Variants in ZNF134 observed in about 807,000 individuals in gnomAD.
ZNF134 encodes the protein zinc finger protein 134 (clone pHZ-15).
In ZNF134, 5 loss-of-function variants were observed where a neutral mutation model predicts 2.5. That is an observed-to-expected ratio of 2.03 (90% CI 1.06 to 4.27). The LOEUF (loss-of-function observed/expected upper bound fraction) is 4.27. Ranked by LOEUF, ZNF134 falls within the 30% of genes most tolerant of loss-of-function variation. ZNF134 has a pLI of 0.00. For missense variants in ZNF134, 540 were observed against 517.5 expected (o/e 1.04, Z -0.42); for synonymous variants, 176 against 176.2 (o/e 1.00, Z 0.01).
chr19:57,619,706 G>C (rs532480554), intron 2 of ZNF134, 198 bp downstream of exon 2: 4 of 617,208 alleles, frequency 6.5e-6, no homozygotes, highest in South Asian at 4.3e-5. Flanking sequence ...TACCAGAGGG[G>C]CTCTAGTAGA....
chr19:57,620,391 C>G lies in ZNF134; in HGVS notation c.272C>G (p.Ala91Gly). 6.2e-7 allele frequency: 1 copy of G among 1,614,176 alleles called. No homozygotes were observed. Among genetic ancestry groups the G allele is most frequent in the East Asian group, 2.2e-5 (1 of 44,890 alleles). ...GACGRQFWFSANLHQYQKCYS... is the reference protein window; with the variant it reads ...GACGRQFWFSGNLHQYQKCYS... The stretch of plus-strand genomic sequence containing the variant: ...TGTGGGAGACAATTCTGGTTCAGTG[C>G]AAACCTTCATCAGTACCAGAAGTGT... The change falls in exon 3 of 3, where the codon GCA (alanine) becomes GGA (glycine). Residue 91 changes from alanine (A) to glycine (G), a missense_variant. Transcript: ENST00000396161.
chr19:57,617,623 T>A (rs1337247516), intron 1 of ZNF134, among the ~76,000 whole-genome samples: 1 of 152,064 alleles, frequency 6.6e-6, no homozygotes, highest in Non-Finnish European at 1.5e-5. Flanking sequence ...GACACAGAGA[T>A]CTGAAGTTCA....
At chr19:57,620,134 C>A in intron 2 of ZNF134, 26 bp from the exon 3 acceptor site, 1 of 1,598,102 alleles carries the variant, frequency 6.3e-7, no homozygotes. Context: ...TCAGCATGTA[C>A]ATCAATAGTA....
chr19:57,621,406 G>T lies in ZNF134; in HGVS notation c.*3G>T, dbSNP rs778725512. On this transcript the variant is annotated 3_prime_UTR_variant, in exon 3 of 3. Transcript: ENST00000396161. ...TTCACACTGCAGGCAGGCTTTAGGA[G>T]TGCTTTGAATACAACAGGACTCATC... is the stretch of plus-strand genomic sequence containing the variant. 1.3e-5 allele frequency: 21 copies of T among 1,612,268 alleles called. No individual in the cohort carries two copies. The highest frequency in any genetic ancestry group is 1.7e-5 in the Non-Finnish European group (20 of 1,180,038).
rs201845735 is a variant in ZNF134 at position 57,620,444 on chromosome 19, G to A, written c.325G>A (p.Asp109Asn). 2.0e-4 allele frequency: 330 copies of A among 1,614,174 alleles called. No homozygotes were observed. The highest frequency in any genetic ancestry group is 1.6e-3 in the Middle Eastern group (10 of 6,062). The change falls in exon 3 of 3, where the codon GAT becomes AAT. Residue 109 changes from aspartate to asparagine, a missense_variant. By Grantham distance (23) the Asp-to-Asn change is conservative. Transcript: ENST00000396161. ...CAGTATAGAGCAACCCTTAAGAAGG[G>A]ATAAAAGTGAGGCCTCAATTGTGAA... ...CYSIEQPLRR[D>N]KSEASIVKNC...
rs1412545229 is a variant in ZNF134 at position 57,623,066 on chromosome 19, C to G, written c.*1663C>G. 1 of 151,922 alleles carries G rather than the reference C, an allele frequency of 6.6e-6. No homozygotes were observed. Among genetic ancestry groups the G allele is most frequent in the African/African-American group, 2.4e-5 (1 of 41,358 alleles). 9.4% of individuals were successfully genotyped at this position (151,922 alleles called of 1,614,324 possible). ...CCCAAAGTTAACCTGAGGCCCTTAACCTTTCTCTCAGTGCTCGCCTTCCCC... is the reference window on the plus strand; with the variant it reads ...CCCAAAGTTAACCTGAGGCCCTTAAGCTTTCTCTCAGTGCTCGCCTTCCCC... On this transcript the variant is annotated 3_prime_UTR_variant, in exon 3 of 3. Transcript: ENST00000396161.
rs1163188516 is a variant in ZNF134 at position 57,621,097 on chromosome 19, C to T, written c.978C>T (p.Gly326=). ...GCAGTGATTGTGGGAAATCCTTTGGCCACAAATACACCCTCATTAAACATC... is the reference window on the plus strand; with the variant it reads ...GCAGTGATTGTGGGAAATCCTTTGGTCACAAATACACCCTCATTAAACATC... ...YDCSDCGKSF[G]HKYTLIKHQR... Residue 326 remains glycine (G), a synonymous_variant, in exon 3 of 3, where the codon GGC becomes GGT. Transcript: ENST00000396161. 1 of 1,614,198 alleles carries T rather than the reference C, an allele frequency of 6.2e-7. No homozygotes were observed. Among genetic ancestry groups the T allele is most frequent in the Non-Finnish European group, 8.5e-7 (1 of 1,180,042 alleles).
intron 1 of ZNF134, among the ~76,000 whole-genome samples, chr19:57,615,687 T>C (rs778724017): frequency 6.6e-6 from 1 of 152,188 alleles, no homozygotes; most frequent in Non-Finnish European, 1.5e-5. Flanking sequence ...GACCGCTTAA[T>C]CTAAGCTGAG....
Position 57,614,399 on chromosome 19 carries a change from G to T in ZNF134, c.-162G>T, listed in dbSNP as rs780641961. The stretch of plus-strand genomic sequence containing the variant: ...CGAAGACCCCGCCTGCGCCCCCGGG[G>T]ACGGACGACCGCGGTGCCAGGGTCC... On this transcript the variant is annotated 5_prime_UTR_variant, in exon 1 of 3. Coordinates refer to ENST00000396161, the MANE Select transcript of ZNF134 (RefSeq NM_003435.5). 1 of 452,140 alleles carries T rather than the reference G, an allele frequency of 2.2e-6. No individual in the cohort carries two copies. Among genetic ancestry groups the T allele is most frequent in the Non-Finnish European group, 4.4e-6 (1 of 225,016 alleles). The allele number at this position is 452,140 out of a possible 1,614,324, so 28.0% of individuals were successfully genotyped here. A position where few individuals can be genotyped will look rare whatever the true frequency, so the allele number is the denominator to read the frequency against.
intron 1 of ZNF134, among the ~76,000 whole-genome samples, chr19:57,614,958 TG>T (rs1052317425): frequency 6.6e-6 from 1 of 151,816 alleles, no homozygotes; most frequent in Non-Finnish European, 1.5e-5. Flanking sequence ...GCCAGAGCAG[TG>T]GCAGGAGGGG....
At chr19:57,617,207 A>G (rs1244955446) in intron 1 of ZNF134, among the ~76,000 whole-genome samples, 2 of 152,198 alleles carry the variant, frequency 1.3e-5, no homozygotes, top group East Asian at 1.9e-4. Context: ...GTTTGGAGCT[A>G]GGAGGGAGTG....
intron 1 of ZNF134, among the ~76,000 whole-genome samples, chr19:57,615,650 G>A (rs1362456292): frequency 6.6e-6 from 1 of 152,148 alleles, no homozygotes; most frequent in Non-Finnish European, 1.5e-5. Context: ...ACCTTCCTCT[G>A]TGTCACTCCC....
At chr19:57,615,041 G>T (rs1030902567) in intron 1 of ZNF134, among the ~76,000 whole-genome samples, 25 of 152,158 alleles carry the variant, frequency 1.6e-4, no homozygotes, top group African/African-American at 5.8e-4. Flanking sequence ...TGCCGCATCA[G>T]ATGTGGTCGT....
rs527885978 is a variant in ZNF134 at position 57,623,013 on chromosome 19, A to G, written c.*1610A>G. 2.0e-5 allele frequency: 3 copies of G among 151,488 alleles called. No homozygotes were observed. The highest frequency in any genetic ancestry group is 2.1e-4 in the South Asian group (1 of 4,766). 9.4% of individuals were successfully genotyped at this position (151,488 alleles called of 1,614,324 possible). On this transcript the variant is annotated 3_prime_UTR_variant, in exon 3 of 3. Transcript: ENST00000396161. ...CACACACACTTGAAACTATCACCCT[A>G]TCAGTGGTATTGGACATATCTGTTA... is the stretch of plus-strand genomic sequence containing the variant.
rs1981294319 is a variant in ZNF134, at chr19:57,623,593, A to G, written c.*2190A>G. On this transcript the variant is annotated 3_prime_UTR_variant, in exon 3 of 3. Coordinates refer to ENST00000396161, the MANE Select transcript of ZNF134 (RefSeq NM_003435.5). ...AAATTAAGAGATTCATTGTTAGGAAAGATAGATGTTTTAGAGAGAGAGATG... is the reference window on the plus strand; with the variant it reads ...AAATTAAGAGATTCATTGTTAGGAAGGATAGATGTTTTAGAGAGAGAGATG... The G allele has an allele frequency of 1.3e-5, 2 of 152,216 alleles. No individual in the cohort carries two copies. Among genetic ancestry groups the G allele is most frequent in the Admixed American group, 1.3e-4 (2 of 15,282 alleles). 9.4% of individuals were successfully genotyped at this position (152,216 alleles called of 1,614,324 possible). A position where few individuals can be genotyped will look rare whatever the true frequency, so the allele number is the denominator to read the frequency against.
chr19:57,624,479 C>G lies in ZNF134; in HGVS notation c.*3076C>G, dbSNP rs138151289. ...AAAACAAAAGAGAAAACTGCCAGAA[C>G]CCCAGTCAGGGTGACATGTCTGTAA... On this transcript the variant is annotated 3_prime_UTR_variant, in exon 3 of 3. Coordinates refer to ENST00000396161, the MANE Select transcript of ZNF134 (RefSeq NM_003435.5). The G allele has an allele frequency of 3.9e-5, 6 of 152,212 alleles. No individual in the cohort carries two copies. The highest frequency in any genetic ancestry group is 8.8e-5 in the Non-Finnish European group (6 of 68,028). The allele number at this position is 152,212 out of a possible 1,614,324, so 9.4% of individuals were successfully genotyped here. A position where few individuals can be genotyped will look rare whatever the true frequency, so the allele number is the denominator to read the frequency against.
chr19:57,620,643 A>C lies in ZNF134; in HGVS notation c.524A>C (p.His175Pro). 6.2e-7 allele frequency: 1 copy of C among 1,614,236 alleles called. No homozygotes were observed. Among genetic ancestry groups the C allele is most frequent in the Non-Finnish European group, 8.5e-7 (1 of 1,180,046 alleles). Residue 175 changes from histidine to proline, a missense_variant, in exon 3 of 3, where the codon CAT becomes CCT. Coordinates refer to ENST00000396161, the MANE Select transcript of ZNF134 (RefSeq NM_003435.5). Reference sequence around the variant, plus strand: ...GATGCATTTCATGGTGAACAAATGCATTACAAGTGCAGTGAATGTGGGAAA... The same window carrying C: ...GATGCATTTCATGGTGAACAAATGCCTTACAAGTGCAGTGAATGTGGGAAA... ...SGDAFHGEQM[H>P]YKCSECGKAF...
In ZNF134 at chr19:57,621,687, G is replaced by T; in HGVS notation, c.*284G>T. 1 of 561,468 alleles carries T rather than the reference G, an allele frequency of 1.8e-6. No homozygotes were observed. The highest frequency in any genetic ancestry group is 3.3e-6 in the Non-Finnish European group (1 of 304,138). 34.8% of individuals were successfully genotyped at this position (561,468 alleles called of 1,614,324 possible). ...ATCATGAAATGCCTGAGTTCATTGG[G>T]GGTCCTCATTCCCTTCTGTATGACA... On this transcript the variant is annotated 3_prime_UTR_variant, in exon 3 of 3. Transcript: ENST00000396161.
At position 57,622,531 on chromosome 19, in the gene ZNF134, GC is replaced by G. The variant is rs2122133663; in HGVS notation, c.*1130del. 1.3e-5 allele frequency: 2 copies of G among 152,320 alleles called. No homozygotes were observed. The highest frequency in any genetic ancestry group is 4.2e-4 in the South Asian group (2 of 4,816). The allele number at this position is 152,320 out of a possible 1,614,324, so 9.4% of individuals were successfully genotyped here. On this transcript the variant is annotated 3_prime_UTR_variant, in exon 3 of 3. Coordinates refer to ENST00000396161, the MANE Select transcript of ZNF134 (RefSeq NM_003435.5). ...ATCCAGAAATCTCAGGATCTCCAGG[GC>G]CATGTTACTGTTAGGTCAAGGTCAC...
Sources: allele counts gnomAD v4.1 joint callset (sites outside exome capture counted in the v4.1 genomes callset), GRCh38; gene constraint gnomAD v4.1.1; transcripts MANE v1.5; gene names NCBI Gene and HGNC (gene_info 2026-07-23, HGNC 2026-07-21).